The following DNAJB6 variants were observed in gnomAD, a reference collection of about 807,000 sequenced individuals.
The protein encoded by DNAJB6 is dnaJ homolog subfamily B member 6.
In DNAJB6, 16 loss-of-function variants were observed where a neutral mutation model predicts 42.7. The ratio of observed to expected loss-of-function variants is 0.37; its 90% confidence interval spans 0.25 to 0.57. The LOEUF (loss-of-function observed/expected upper bound fraction) is 0.57, where lower values mean the gene tolerates loss of function less well. DNAJB6 is among the 20% of genes least tolerant of loss of function. DNAJB6 has a pLI of 0.74. For missense variants in DNAJB6, 347 were observed against 416.8 expected, an observed-to-expected ratio of 0.83 and a Z score of 1.46; for synonymous variants, 170 against 163.5, an observed-to-expected ratio of 1.04 and a Z score of -0.30.
intron 5 of DNAJB6, among the ~76,000 whole-genome samples, chr7:157,377,708 A>G (rs1370077810): frequency 1.3e-5 from 2 of 152,272 alleles, no homozygotes; most frequent in East Asian, 3.9e-4. Context: ...TCCAAATGCT[A>G]ATCTCATCCA....
intron 3 of DNAJB6, among the ~76,000 whole-genome samples, chr7:157,364,478 C>G (rs532442391): frequency 2.6e-5 from 4 of 152,200 alleles, no homozygotes; most frequent in African/African-American, 9.6e-5. Context: ...GAGGATCTTG[C>G]TATGTTTCCT....
intron 1 of DNAJB6, among the ~76,000 whole-genome samples, chr7:157,345,494 T>C (rs1489604510): frequency 6.6e-6 from 1 of 152,056 alleles, no homozygotes; most frequent in African/African-American, 2.4e-5. Flanking sequence ...TTTTTTATCT[T>C]TTTGTAGAGA....
At chr7:157,355,415 C>T (rs1394771061) in intron 1 of DNAJB6, among the ~76,000 whole-genome samples, 1 of 152,218 alleles carries the variant, frequency 6.6e-6, no homozygotes, top group African/African-American at 2.4e-5. Context: ...CCGCCTCGGC[C>T]TCCCAAAGTG....
chr7:157,389,680 T>A (rs1801246256), intron 8 of DNAJB6, among the ~76,000 whole-genome samples: 1 of 152,216 alleles, frequency 6.6e-6, no homozygotes. Flanking sequence ...GTCTGTCATT[T>A]GGCTACGTTA....
chr7:157,390,051 G>A (rs1296311617), intron 8 of DNAJB6, among the ~76,000 whole-genome samples: 5 of 152,238 alleles, frequency 3.3e-5, no homozygotes, highest in Non-Finnish European at 4.4e-5. Flanking sequence ...AGTAATTCTC[G>A]TCTGTCTGGC....
At chr7:157,397,874 G>A (rs1353737839) in intron 8 of DNAJB6, among the ~76,000 whole-genome samples, 2 of 151,992 alleles carry the variant, frequency 1.3e-5, no homozygotes, top group African/African-American at 4.9e-5. Flanking sequence ...CAGGAGTCTG[G>A]GCGTGGTGGC....
chr7:157,371,152 A>C (rs573477363), intron 5 of DNAJB6, among the ~76,000 whole-genome samples: 1 of 152,292 alleles, frequency 6.6e-6, no homozygotes, highest in East Asian at 1.9e-4. Flanking sequence ...ATCTGAAACC[A>C]TCCCCCTACC....
intron 1 of DNAJB6, among the ~76,000 whole-genome samples, chr7:157,340,270 T>C (rs2116838763): frequency 6.6e-6 from 1 of 152,316 alleles, no homozygotes; most frequent in African/African-American, 2.4e-5. Context: ...AAATGTGGTT[T>C]GGTTAAATTT....
chr7:157,405,269 T>C (rs1318404452), intron 8 of DNAJB6, among the ~76,000 whole-genome samples: 1 of 152,214 alleles, frequency 6.6e-6, no homozygotes, highest in Non-Finnish European at 1.5e-5. Flanking sequence ...TGGGGGCTCT[T>C]TGCCATGGGA....
At chr7:157,342,717 T>C (rs1389939444) in intron 1 of DNAJB6, among the ~76,000 whole-genome samples, 3 of 152,134 alleles carry the variant, frequency 2.0e-5, no homozygotes, top group African/African-American at 4.8e-5. Context: ...CCTTCCAAAG[T>C]GCTGGGATTA....
rs566629858 is a variant in DNAJB6, at chr7:157,407,343, G to A, written c.692-2452G>A. On this transcript the variant is annotated intron_variant, in intron 8 of 9. Coordinates refer to ENST00000262177, the MANE Select transcript of DNAJB6 (RefSeq NM_058246.4). ...GCAGTGACAGAGCTCACGCTGCATC[G>A]CTGTGCCCCGGGGAAGACTTCACAG... Among the ~76,000 whole-genome samples, 126 of 152,368 alleles carry A rather than the reference G, an allele frequency of 8.3e-4. No individual in the cohort carries two copies. The South Asian group carries it at 0.011, about 13-fold the overall frequency.
intron 8 of DNAJB6, among the ~76,000 whole-genome samples, chr7:157,389,036 T>A (rs1801215031): frequency 6.6e-6 from 1 of 152,206 alleles, no homozygotes; most frequent in Non-Finnish European, 1.5e-5. Context: ...GAGTAGATTT[T>A]AGAAGTGGGT....
intron 8 of DNAJB6, among the ~76,000 whole-genome samples, chr7:157,407,511 C>T (rs6952355): frequency 0.044 from 6,659 of 152,252 alleles, 529 homozygotes; most frequent in African/African-American, 0.15. Context: ...GAGGCAGGAA[C>T]GGGCTTAGCA....
chr7:157,385,022 C>T lies in DNAJB6; in HGVS notation c.620+14C>T. Reference sequence around the variant, plus strand: ...CACTACAAAGAGGTACTGTGGTATTCTGCATTTTATATTTTTAGTAAGCAG... The same window carrying T: ...CACTACAAAGAGGTACTGTGGTATTTTGCATTTTATATTTTTAGTAAGCAG... On this transcript the variant is annotated intron_variant, in intron 7 of 9. Transcript: ENST00000262177. The T allele has an allele frequency of 6.2e-7, 1 of 1,610,006 alleles. No homozygotes were observed. The highest frequency in any genetic ancestry group is 8.5e-7 in the Non-Finnish European group (1 of 1,177,346).
At chr7:157,343,594 A>G (rs747181761) in intron 1 of DNAJB6, among the ~76,000 whole-genome samples, 26 of 152,050 alleles carry the variant, frequency 1.7e-4, no homozygotes, top group African/African-American at 2.4e-4. Context: ...CTGGAACTAC[A>G]GGCGCCACCA....
chr7:157,369,459 C>T, intron 5 of DNAJB6: 1 of 456,232 alleles, frequency 2.2e-6, no homozygotes, highest in South Asian at 1.5e-5. Context: ...CATGGCTTCT[C>T]TTCTGGGGCA....
chr7:157,366,703 G>A (rs1382556357), intron 4 of DNAJB6, 142 bp downstream of exon 4: 3 of 716,470 alleles, frequency 4.2e-6, no homozygotes, highest in East Asian at 2.7e-5. Flanking sequence ...TTGGGGAGAG[G>A]ACAGAGAAAT....
chr7:157,403,640 GCCACC>G (rs1438288919), intron 8 of DNAJB6, among the ~76,000 whole-genome samples: 1 of 151,734 alleles, frequency 6.6e-6, no homozygotes, highest in African/African-American at 2.4e-5. Context: ...CCCTGCTGTA[GCCACC>G]TTCTTTAGGA....
intron 1 of DNAJB6, among the ~76,000 whole-genome samples, chr7:157,352,663 A>T (rs541352125): frequency 3.3e-5 from 5 of 152,138 alleles, no homozygotes; most frequent in South Asian, 4.2e-4. Context: ...GTGTGAGACC[A>T]TCCACTCCGT....
Sources: gnomAD v4.1 joint callset for allele counts (sites outside exome capture counted in the v4.1 genomes callset) on GRCh38, gnomAD v4.1.1 for gene constraint, MANE v1.5 for transcripts, NCBI Gene and HGNC (gene_info 2026-07-23, HGNC 2026-07-21) for gene names.